The following GRID1 variants were observed in gnomAD, a reference collection of about 807,000 sequenced individuals.
The protein encoded by GRID1 is glutamate receptor ionotropic, delta-1.
Under a neutral mutation model 98.0 loss-of-function variants are expected in GRID1, and 28 were observed. That is an observed-to-expected ratio of 0.29 (90% confidence interval 0.21 to 0.39). The LOEUF (loss-of-function observed/expected upper bound fraction) is 0.39. Ranked by LOEUF, GRID1 falls within the 10% of genes least tolerant of loss-of-function variation. The pLI is 1.00. For missense variants in GRID1, 1,111 were observed against 1,340.5 expected, an observed-to-expected ratio of 0.83 and a Z score of 2.67; for synonymous variants, 553 against 538.5, an observed-to-expected ratio of 1.03 and a Z score of -0.37.
At chr10:85,628,084 GATGTGTCC>G (rs1251377828) in intron 13 of GRID1, among the ~76,000 whole-genome samples, 13 of 151,832 alleles carry the variant, frequency 8.6e-5, no homozygotes, top group Admixed American at 2.6e-4. Flanking sequence ...TGTGTGTATA[GATGTGTCC>G]ATGTGGATGC....
chr10:85,856,712 A>G (rs1207089910), intron 6 of GRID1, among the ~76,000 whole-genome samples: 1 of 152,252 alleles, frequency 6.6e-6, no homozygotes, highest in Non-Finnish European at 1.5e-5. Flanking sequence ...ACTTGAAAGC[A>G]GCCATAGACA....
At chr10:86,159,712 G>T (rs1463088596) in intron 3 of GRID1, among the ~76,000 whole-genome samples, 1 of 152,170 alleles carries the variant, frequency 6.6e-6, no homozygotes, top group South Asian at 2.1e-4. Context: ...AGAGGCAGGG[G>T]GCACAGGGCT....
intron 12 of GRID1, among the ~76,000 whole-genome samples, chr10:85,716,067 T>C (rs1841635688): frequency 6.6e-6 from 1 of 152,086 alleles, no homozygotes; most frequent in South Asian, 2.1e-4. Context: ...CCACCATGCC[T>C]GGCTGCTTTT....
At chr10:85,690,966 T>A (rs577805236) in intron 12 of GRID1, among the ~76,000 whole-genome samples, 1 of 152,282 alleles carries the variant, frequency 6.6e-6, no homozygotes, top group South Asian at 2.1e-4. Flanking sequence ...AAGGGAAAGA[T>A]AGATTTATTC....
intron 4 of GRID1, among the ~76,000 whole-genome samples, chr10:86,046,512 A>T (rs2131902536): frequency 2.0e-5 from 3 of 152,336 alleles, no homozygotes; most frequent in Admixed American, 2.0e-4. Context: ...CCTGTGGCTG[A>T]GTTCCAGGTT....
chr10:86,007,924 T>C (rs1329773878), intron 4 of GRID1, among the ~76,000 whole-genome samples: 3 of 152,048 alleles, frequency 2.0e-5, no homozygotes, highest in African/African-American at 7.2e-5. Context: ...GTCCCTTTAC[T>C]CTGCCAAGAT....
At chr10:86,357,881 G>A (rs987485921) in intron 2 of GRID1, among the ~76,000 whole-genome samples, 5 of 152,146 alleles carry the variant, frequency 3.3e-5, no homozygotes, top group African/African-American at 9.7e-5. Context: ...GTGGGACCCC[G>A]GGCGGCAAAG....
chr10:85,819,657 T>C (rs893554411), intron 8 of GRID1, among the ~76,000 whole-genome samples: 3 of 152,152 alleles, frequency 2.0e-5, no homozygotes, highest in African/African-American at 7.2e-5. Flanking sequence ...GCATGTAATC[T>C]AATCCTAGCA....
chr10:85,987,859 T>C (rs1842631768), intron 4 of GRID1, among the ~76,000 whole-genome samples: 1 of 152,002 alleles, frequency 6.6e-6, no homozygotes. Flanking sequence ...CTCACCTTTT[T>C]CTTCATAGAC....
At chr10:85,885,403 G>A (rs1841099075) in intron 5 of GRID1, among the ~76,000 whole-genome samples, 1 of 152,208 alleles carries the variant, frequency 6.6e-6, no homozygotes, top group African/African-American at 2.4e-5. Flanking sequence ...TGTAAAGTGT[G>A]TATGTGCATT....
intron 2 of GRID1, among the ~76,000 whole-genome samples, chr10:86,262,155 G>A (rs1291582216): frequency 6.6e-6 from 1 of 152,258 alleles, no homozygotes; most frequent in Non-Finnish European, 1.5e-5. Context: ...AGCAGGGGAA[G>A]AAAGGCGCTG....
At chr10:86,074,363 C>T (rs1035828030) in intron 4 of GRID1, among the ~76,000 whole-genome samples, 3 of 152,180 alleles carry the variant, frequency 2.0e-5, no homozygotes, top group Admixed American at 6.5e-5. Flanking sequence ...TCATTCTACC[C>T]GCTACCGCCA....
At chr10:85,840,353 A>T (rs760965777) in intron 8 of GRID1, among the ~76,000 whole-genome samples, 1 of 152,192 alleles carries the variant, frequency 6.6e-6, no homozygotes, top group South Asian at 2.1e-4. Flanking sequence ...AATAAGAGCC[A>T]TATGTAAAAA....
At chr10:85,870,703 G>A (rs377517284) in intron 5 of GRID1, among the ~76,000 whole-genome samples, 18 of 152,160 alleles carry the variant, frequency 1.2e-4, no homozygotes, top group Admixed American at 6.5e-4. Context: ...AGAGGCAGCA[G>A]GGAGTGTGAA....
At chr10:86,075,031 C>T (rs992507298) in intron 4 of GRID1, among the ~76,000 whole-genome samples, 14 of 151,448 alleles carry the variant, frequency 9.2e-5, no homozygotes, top group East Asian at 1.9e-4. Context: ...ACAAAAGGAA[C>T]GAGCAAGCTT....
intron 4 of GRID1, among the ~76,000 whole-genome samples, chr10:85,973,982 G>T (rs540253029): frequency 3.9e-5 from 6 of 152,194 alleles, no homozygotes; most frequent in African/African-American, 1.4e-4. Context: ...TCTCATATTC[G>T]CAGACTGGGG....
Position 85,694,870 on chromosome 10 carries a change from T to C in GRID1, c.1997+28133A>G, listed in dbSNP as rs1487906827. On this transcript the variant is annotated intron_variant, in intron 12 of 15. Coordinates refer to ENST00000327946, the MANE Select transcript of GRID1 (RefSeq NM_017551.3). ...TACTTAATGGGTACAATGTACATTA[T>C]TTGAGTGATGGTAAGACTAAAAGCC... Among the ~76,000 whole-genome samples, 3 of 151,886 alleles carry C rather than the reference T, an allele frequency of 2.0e-5. No homozygotes were observed. The East Asian group carries it at 5.9e-4, about 30-fold the overall frequency.
chr10:86,078,267 T>C (rs1039767356), intron 4 of GRID1, among the ~76,000 whole-genome samples: 6 of 152,270 alleles, frequency 3.9e-5, no homozygotes, highest in African/African-American at 7.2e-5. Context: ...CCTGGAACGA[T>C]TTTAATGGAC....
At chr10:86,122,353 CCT>C (rs1254902598) in intron 4 of GRID1, among the ~76,000 whole-genome samples, 1 of 152,206 alleles carries the variant, frequency 6.6e-6, no homozygotes, top group Admixed American at 6.5e-5. Flanking sequence ...TCTGTCTGAC[CCT>C]GTCGGAGAAG....
Sources: allele counts gnomAD v4.1 joint callset (sites outside exome capture counted in the v4.1 genomes callset), GRCh38; gene constraint gnomAD v4.1.1; transcripts MANE v1.5; gene names NCBI Gene and HGNC (gene_info 2026-07-23, HGNC 2026-07-21).